SNTB1: variants seen among roughly 807,000 people sequenced by gnomAD.
The protein encoded by SNTB1 is syntrophin beta 1.
A neutral mutation model predicts 48.9 loss-of-function variants in SNTB1; 36 were observed. The observed-to-expected ratio is 0.74, with a 90% CI of 0.56 to 0.97. SNTB1 has a LOEUF of 0.97. Among genes scored for constraint, SNTB1 ranks in the 50% least tolerant of loss-of-function variants. The probability of loss-of-function intolerance (pLI) is 0.00; values close to 1 mark genes in which losing one functional copy is unlikely to be tolerated. For missense variants in SNTB1, 786 were observed against 703.4 expected (o/e 1.12, Z -1.33); for synonymous variants, 299 against 294.6 (o/e 1.01, Z -0.15).
chr8:120,765,411 G>A (rs879705993), intron 1 of SNTB1, among the ~76,000 whole-genome samples: 19 of 152,306 alleles, frequency 1.2e-4, no homozygotes, highest in African/African-American at 3.4e-4. Context: ...TTCCTATAAC[G>A]TAGACTGTGG....
rs865913683 is a variant in SNTB1 at position 120,648,649 on chromosome 8, A to G, written c.789-15998T>C. On this transcript the variant is annotated intron_variant, in intron 2 of 6. Coordinates refer to ENST00000517992, the MANE Select transcript of SNTB1 (RefSeq NM_021021.4). The stretch of plus-strand genomic sequence containing the variant: ...TGAATCTGACAATTGTGTGTCTTGG[A>G]GTTGCTCTTCTCGAGGAGTATCTTT... 6.5e-3 allele frequency among the ~76,000 whole-genome samples: 981 copies of G among 151,560 alleles called. 13 individuals carry two copies. The Middle Eastern group carries it at 0.075, about 12-fold the overall frequency.
rs147582989 is a variant in SNTB1, at chr8:120,704,908, G to A, written c.572-11000C>T. Among the ~76,000 whole-genome samples, 965 of 152,302 alleles carry A rather than the reference G, an allele frequency of 6.3e-3. 13 individuals are homozygous for A. The highest frequency in any genetic ancestry group is 0.022 in the African/African-American group (913 of 41,570). ...GACAGGGAGAACTGTGTTAAAAGCT[G>A]TTGATAAGAATACAGATTCTAGGGA... On this transcript the variant is annotated intron_variant, in intron 1 of 6. Coordinates refer to ENST00000517992, the MANE Select transcript of SNTB1 (RefSeq NM_021021.4).
chr8:120,694,758 T>TAA (rs1818184927), intron 1 of SNTB1, among the ~76,000 whole-genome samples: 2 of 151,988 alleles, frequency 1.3e-5, no homozygotes, highest in Admixed American at 1.3e-4. Context: ...GGTAGAAATA[T>TAA]AAGAAATTAT....
chr8:120,543,349 C>T (rs1375905444), intron 5 of SNTB1, among the ~76,000 whole-genome samples: 1 of 152,142 alleles, frequency 6.6e-6, no homozygotes, highest in East Asian at 1.9e-4. Context: ...AGCACACTCA[C>T]TGCTGGGGAT....
intron 3 of SNTB1, among the ~76,000 whole-genome samples, chr8:120,631,378 C>T (rs934675144): frequency 6.6e-6 from 1 of 152,112 alleles, no homozygotes; most frequent in Non-Finnish European, 1.5e-5. Flanking sequence ...CCCAACAACC[C>T]ATTTGGTGTT....
rs148580182 is a variant in SNTB1, at chr8:120,542,599, A to G, written c.1334-599T>C. ...AACTTGGGAGGCAGAGGTTGCAGTG[A>G]GTCGAGATTGCTCCACTGTACTCCA... On this transcript the variant is annotated intron_variant, in intron 5 of 6. Coordinates refer to ENST00000517992, the MANE Select transcript of SNTB1 (RefSeq NM_021021.4). 5.4e-3 allele frequency among the ~76,000 whole-genome samples: 815 copies of G among 152,264 alleles called. 8 individuals are homozygous for G. Among genetic ancestry groups the G allele is most frequent in the African/African-American group, 0.019 (774 of 41,554 alleles).
At chr8:120,693,939 A>T (rs373996554) in intron 1 of SNTB1, 31 bp from the exon 2 acceptor site, 12 of 1,536,432 alleles carry the variant, frequency 7.8e-6, no homozygotes, top group Non-Finnish European at 1.1e-5. Context: ...AGTGCTTTTA[A>T]TACATCACGG....
At chr8:120,737,177 G>A (rs1038580969) in intron 1 of SNTB1, among the ~76,000 whole-genome samples, 23 of 152,068 alleles carry the variant, frequency 1.5e-4, no homozygotes, top group African/African-American at 5.6e-4. Flanking sequence ...ATGCCCAGGG[G>A]GTTGTGAAAA....
chr8:120,738,434 A>C (rs1818984505), intron 1 of SNTB1, among the ~76,000 whole-genome samples: 1 of 152,184 alleles, frequency 6.6e-6, no homozygotes, highest in African/African-American at 2.4e-5. Context: ...CGAAGACCTT[A>C]CGGGACAGAT....
intron 1 of SNTB1, among the ~76,000 whole-genome samples, chr8:120,752,428 A>G (rs1268161669): frequency 1.3e-5 from 2 of 152,146 alleles, no homozygotes; most frequent in Non-Finnish European, 2.9e-5. Flanking sequence ...TGATCCATCA[A>G]TCTCATTATT....
chr8:120,811,927 G>C lies in SNTB1; in HGVS notation c.-84C>G, dbSNP rs182794186. 3 of 1,282,936 alleles carry C rather than the reference G, an allele frequency of 2.3e-6. No homozygotes were observed. Among genetic ancestry groups the C allele is most frequent in the Admixed American group, 4.2e-5 (1 of 23,592 alleles). The allele number at this position is 1,282,936 out of a possible 1,614,324, so 79.5% of individuals were successfully genotyped here. A position where few individuals can be genotyped will look rare whatever the true frequency, so the allele number is the denominator to read the frequency against. ...TGGCCGGGGGGAGGACGCGGGGCCC[G>C]GGGGAGCGAGGAGAGTGCGTCCCGC... On this transcript the variant is annotated 5_prime_UTR_variant, in exon 1 of 7. Transcript: ENST00000517992.
At chr8:120,630,126 C>T (rs1217775347) in intron 3 of SNTB1, among the ~76,000 whole-genome samples, 1 of 152,218 alleles carries the variant, frequency 6.6e-6, no homozygotes, top group East Asian at 1.9e-4. Flanking sequence ...GTTGGCCAGC[C>T]TCCCTTTGCC....
At chr8:120,777,739 A>G (rs1014324723) in intron 1 of SNTB1, among the ~76,000 whole-genome samples, 8 of 152,234 alleles carry the variant, frequency 5.3e-5, no homozygotes, top group African/African-American at 1.9e-4. Context: ...AAATCCCAGG[A>G]GAAATATCTA....
At chr8:120,561,319 C>CAAAAA (rs1221884195) in intron 4 of SNTB1, among the ~76,000 whole-genome samples, 6 of 45,644 alleles carry the variant, frequency 1.3e-4, no homozygotes, top group African/African-American at 2.5e-4. Flanking sequence ...AACTCCATCT[C>CAAAAA]AAAAAAAAAA....
chr8:120,759,740 C>T (rs1819381538), intron 1 of SNTB1, among the ~76,000 whole-genome samples: 1 of 152,178 alleles, frequency 6.6e-6, no homozygotes, highest in Non-Finnish European at 1.5e-5. Context: ...CATAGCCTTT[C>T]ATTCTGAACC....
At chr8:120,562,739 G>T (rs1371143871) in intron 4 of SNTB1, among the ~76,000 whole-genome samples, 1 of 152,060 alleles carries the variant, frequency 6.6e-6, no homozygotes, top group Admixed American at 6.6e-5. Context: ...AATTTCTGAG[G>T]CTGGCCTGAG....
chr8:120,714,454 G>T (rs1039543207), intron 1 of SNTB1, among the ~76,000 whole-genome samples: 10 of 151,214 alleles, frequency 6.6e-5, no homozygotes, highest in African/African-American at 2.2e-4. Flanking sequence ...ACTCCAGAAA[G>T]AAATGGAATC....
intron 1 of SNTB1, among the ~76,000 whole-genome samples, chr8:120,794,888 T>C (rs1377753714): frequency 1.3e-5 from 2 of 152,000 alleles, no homozygotes; most frequent in Non-Finnish European, 2.9e-5. Context: ...ACCATTATCT[T>C]TACAAACCAT....
chr8:120,542,812 A>G (rs955080455), intron 5 of SNTB1, among the ~76,000 whole-genome samples: 3 of 152,158 alleles, frequency 2.0e-5, no homozygotes, highest in Admixed American at 6.6e-5. Flanking sequence ...ACGTAAATAC[A>G]TAAGTCAGGA....
Sources: allele counts gnomAD v4.1 joint callset (sites outside exome capture counted in the v4.1 genomes callset), GRCh38; gene constraint gnomAD v4.1.1; transcripts MANE v1.5; gene names NCBI Gene and HGNC (gene_info 2026-07-23, HGNC 2026-07-21).